LRP1B: variants seen among roughly 807,000 people sequenced by gnomAD.
LRP1B encodes low-density lipoprotein receptor-related protein 1B.
A neutral mutation model predicts 556.6 loss-of-function variants in LRP1B; 217 were observed. The observed-to-expected ratio is 0.39, with a 90% CI of 0.35 to 0.44. The LOEUF (loss-of-function observed/expected upper bound fraction) is 0.44. Among genes scored for constraint, LRP1B ranks in the 20% least tolerant of loss-of-function variants. The pLI, the probability that LRP1B is intolerant of heterozygous loss-of-function variation, is 1.00. For missense variants in LRP1B, 5,053 were observed against 5,620.8 expected (o/e 0.90, Z 3.23); for synonymous variants, 2,047 against 1,865.8 (o/e 1.10, Z -2.50).
chr2:140,696,198 A>T (rs1411230084), intron 41 of LRP1B, among the ~76,000 whole-genome samples: 6 of 152,110 alleles, frequency 3.9e-5, no homozygotes, highest in Non-Finnish European at 8.8e-5. Flanking sequence ...TCTTACTTAT[A>T]TTTATTTATA....
chr2:141,271,291 G>A (rs1173625141), intron 3 of LRP1B, among the ~76,000 whole-genome samples: 2 of 150,368 alleles, frequency 1.3e-5, no homozygotes, highest in Non-Finnish European at 3.0e-5. Context: ...CATAATGAGA[G>A]TAGCAAAATA....
Position 140,700,257 on chromosome 2 carries a change from A to G in LRP1B, c.6792T>C (p.Ile2264=). Residue 2264 remains isoleucine (I), a synonymous_variant, in exon 41 of 91, where the codon ATT becomes ATC. Transcript: ENST00000389484. ...IKDNWEDRQV[I]VENVGSVEGL... ...TTGAATTACTGTACTTACTTTCAAC[A>G]ATTACTTGTCTGTCTTCCCAGTTGT... is the stretch of plus-strand genomic sequence containing the variant. 6.2e-7 allele frequency: 1 copy of G among 1,609,498 alleles called. No homozygotes were observed. The highest frequency in any genetic ancestry group is 8.5e-7 in the Non-Finnish European group (1 of 1,177,384).
At chr2:141,810,470 A>C in intron 1 of LRP1B, 69 bp from the exon 2 acceptor site, 1 of 1,527,242 alleles carries the variant, frequency 6.5e-7, no homozygotes, top group Non-Finnish European at 9.0e-7. Context: ...CAGTACAAAC[A>C]TGAAATGTGA....
Position 140,883,942 on chromosome 2 carries a change from G to T in LRP1B, c.4044C>A (p.Asn1348Lys). 3 of 1,613,624 alleles carry T rather than the reference G, an allele frequency of 1.9e-6. No homozygotes were observed. In the Middle Eastern group the frequency reaches 5.1e-4, roughly 275 times the overall value. Residue 1348 changes from asparagine (N) to lysine (K), a missense_variant, in exon 25 of 91, where the codon AAC becomes AAA. Asn to Lys is a moderately conservative substitution (Grantham distance 94). Coordinates refer to ENST00000389484, the MANE Select transcript of LRP1B (RefSeq NM_018557.3). ...EGLTVDWIAGNIYWIDSNLDQ... is the reference protein window; with the variant it reads ...EGLTVDWIAGKIYWIDSNLDQ... Reference sequence around the variant, plus strand: ...CCAGATTGCTGTCTATCCAGTATATGTTTCCTGCTATCCAGTCGACTGTCA... The same window carrying T: ...CCAGATTGCTGTCTATCCAGTATATTTTTCCTGCTATCCAGTCGACTGTCA...
Position 141,569,975 on chromosome 2 carries a change from G to A in LRP1B, c.206-89442C>T, listed in dbSNP as rs1454602605. On this transcript the variant is annotated intron_variant, in intron 2 of 90. Coordinates refer to ENST00000389484, the MANE Select transcript of LRP1B (RefSeq NM_018557.3). ...GGGCCAGATGCAGTGGCTCATGCCT[G>A]TAATCTCAGCACTTTGTGGGCCACA... 2.0e-5 allele frequency among the ~76,000 whole-genome samples: 3 copies of A among 151,018 alleles called. 1 individual carries two copies. The highest frequency in any genetic ancestry group is 3.0e-5 in the Non-Finnish European group (2 of 67,440).
chr2:141,387,120 C>G (rs6749878), intron 3 of LRP1B, among the ~76,000 whole-genome samples: 2,271 of 151,928 alleles, frequency 0.015, 51 homozygotes, highest in African/African-American at 0.051. Context: ...GAAGAAATCA[C>G]AAGGGAAATT....
chr2:141,078,920 G>A (rs1416000016), intron 7 of LRP1B, among the ~76,000 whole-genome samples: 1 of 152,154 alleles, frequency 6.6e-6, no homozygotes, highest in Admixed American at 6.5e-5. Flanking sequence ...CTTGGATAGT[G>A]AGATTATTAA....
chr2:141,356,595 T>TTTTTTTTTTTTTTTG (rs1553501959), intron 3 of LRP1B, among the ~76,000 whole-genome samples: 1 of 150,970 alleles, frequency 6.6e-6, no homozygotes, highest in Non-Finnish European at 1.5e-5. Context: ...TGTATGTTTT[T>TTTTTTTTTTTTTTTG]AAGAAGACAT....
At chr2:140,281,142 T>G (rs1682896722) in intron 84 of LRP1B, among the ~76,000 whole-genome samples, 1 of 151,906 alleles carries the variant, frequency 6.6e-6, no homozygotes, top group African/African-American at 2.4e-5. Flanking sequence ...TTTCTTTTCA[T>G]GTAACCAGAA....
intron 7 of LRP1B, among the ~76,000 whole-genome samples, chr2:141,143,120 G>A (rs780303712): frequency 1.8e-4 from 28 of 151,846 alleles, no homozygotes; most frequent in Non-Finnish European, 4.0e-4. Context: ...TAGTAAAGAC[G>A]GGGTTTCACC....
At chr2:141,648,569 T>A (rs925674426) in intron 2 of LRP1B, among the ~76,000 whole-genome samples, 1 of 152,236 alleles carries the variant, frequency 6.6e-6, no homozygotes, top group Non-Finnish European at 1.5e-5. Context: ...TGTTTCCTAT[T>A]TCATTCTGTG....
At chr2:140,729,414 C>A (rs1463233214) in intron 35 of LRP1B, among the ~76,000 whole-genome samples, 1 of 152,106 alleles carries the variant, frequency 6.6e-6, no homozygotes, top group Non-Finnish European at 1.5e-5. Context: ...TCACAGGTGA[C>A]ACATAGATAT....
intron 2 of LRP1B, among the ~76,000 whole-genome samples, chr2:141,599,392 G>A (rs1687650618): frequency 6.6e-6 from 1 of 151,736 alleles, no homozygotes; most frequent in African/African-American, 2.4e-5. Context: ...TCTTGATAAC[G>A]CAGATTTTAG....
intron 20 of LRP1B, among the ~76,000 whole-genome samples, chr2:140,924,087 G>C (rs967640111): frequency 2.6e-5 from 4 of 151,858 alleles, no homozygotes; most frequent in Admixed American, 2.0e-4. Context: ...GCTCTATCTA[G>C]CAATTAATGT....
At chr2:141,450,527 A>C (rs1333771410) in intron 3 of LRP1B, among the ~76,000 whole-genome samples, 6 of 151,908 alleles carry the variant, frequency 3.9e-5, no homozygotes, top group Non-Finnish European at 1.5e-5. Flanking sequence ...CTTCATCATC[A>C]CTGATGAGAC....
chr2:140,900,796 T>C (rs1265739392), intron 23 of LRP1B, among the ~76,000 whole-genome samples: 1 of 129,492 alleles, frequency 7.7e-6, no homozygotes, highest in Non-Finnish European at 1.7e-5. Context: ...AAGAACAATA[T>C]GTCCTAGACA....
At chr2:140,746,160 C>T (rs185283446) in intron 35 of LRP1B, among the ~76,000 whole-genome samples, 1 of 151,956 alleles carries the variant, frequency 6.6e-6, no homozygotes, top group Non-Finnish European at 1.5e-5. Context: ...CCTTAAGGGA[C>T]CTTCTGGAAA....
At chr2:140,895,816 C>A (rs1020267826) in intron 23 of LRP1B, among the ~76,000 whole-genome samples, 1 of 152,102 alleles carries the variant, frequency 6.6e-6, no homozygotes, top group Non-Finnish European at 1.5e-5. Context: ...TCTCCAAGGT[C>A]CCACCGTCAA....
At chr2:141,796,806 C>T (rs1695827895) in intron 2 of LRP1B, among the ~76,000 whole-genome samples, 1 of 151,772 alleles carries the variant, frequency 6.6e-6, no homozygotes, top group South Asian at 2.1e-4. Context: ...ACATAACAAC[C>T]ATCTTTGGGA....
Sources: allele counts gnomAD v4.1 joint callset (sites outside exome capture counted in the v4.1 genomes callset), GRCh38; gene constraint gnomAD v4.1.1; transcripts MANE v1.5; gene names NCBI Gene and HGNC (gene_info 2026-07-23, HGNC 2026-07-21).